The following PRMT9 variants were observed in gnomAD, a reference collection of about 807,000 sequenced individuals.
PRMT9 encodes protein arginine methyltransferase 9.
Under a neutral mutation model 83.2 loss-of-function variants are expected in PRMT9, and 59 were observed. That is an observed-to-expected ratio of 0.71 (90% CI 0.57 to 0.88). The LOEUF is 0.88. Among genes scored for constraint, PRMT9 ranks in the 40% least tolerant of loss-of-function variants. PRMT9 has a pLI of 0.00. For synonymous variants in PRMT9, 333 were observed against 353.2 expected, an observed-to-expected ratio of 0.94 and a Z score of 0.64; for missense variants, 947 against 1,021.9, an observed-to-expected ratio of 0.93 and a Z score of 1.00.
chr4:147,666,814 A>G (rs1735370280), intron 6 of PRMT9, among the ~76,000 whole-genome samples: 1 of 146,912 alleles, frequency 6.8e-6, no homozygotes, highest in Non-Finnish European at 1.5e-5. Flanking sequence ...CATAATGCTG[A>G]ACTTTGTTTA....
Position 147,670,587 on chromosome 4 carries a change from C to G in PRMT9, c.846+54G>C. 3.6e-6 allele frequency: 4 copies of G among 1,108,032 alleles called. No homozygotes were observed. In the Admixed American group the frequency reaches 6.7e-5, roughly 19 times the overall value. The allele number at this position is 1,108,032 out of a possible 1,614,324, so 68.6% of individuals were successfully genotyped here. On this transcript the variant is annotated intron_variant, in intron 5 of 11. Coordinates refer to ENST00000322396, the MANE Select transcript of PRMT9 (RefSeq NM_138364.4). ...TAAATATACTAAGGATTCAATAAAT[C>G]TCTGATGAAATAACGAATTCTTAAT...
chr4:147,677,043 C>CAA (rs1176356042), intron 2 of PRMT9, among the ~76,000 whole-genome samples: 15 of 56,500 alleles, frequency 2.7e-4, no homozygotes, highest in East Asian at 3.9e-4. Context: ...GACTCCGTCT[C>CAA]AAAAAAAAAA....
chr4:147,650,128 G>T (rs75574511), intron 9 of PRMT9, among the ~76,000 whole-genome samples: 5,083 of 152,230 alleles, frequency 0.033, 215 homozygotes, highest in East Asian at 0.22. Context: ...ACAAGGGAAA[G>T]ATGCCCACTC....
chr4:147,677,880 A>G (rs1736193877), intron 2 of PRMT9, among the ~76,000 whole-genome samples: 1 of 152,204 alleles, frequency 6.6e-6, no homozygotes, highest in South Asian at 2.1e-4. Context: ...ATTGTGAATG[A>G]CCATATAAAG....
chr4:147,658,005 T>A (rs1399566315), intron 7 of PRMT9, 30 bp from the exon 8 acceptor site: 4 of 1,429,242 alleles, frequency 2.8e-6, no homozygotes, highest in Non-Finnish European at 3.9e-6. Flanking sequence ...AATGAAACGG[T>A]TTTATATATT....
At chr4:147,669,015 G>A (rs1735554799) in intron 5 of PRMT9, among the ~76,000 whole-genome samples, 1 of 152,090 alleles carries the variant, frequency 6.6e-6, no homozygotes, top group Non-Finnish European at 1.5e-5. Context: ...GAACCCAGGA[G>A]GCAGAGGCTG....
rs776433737 is a variant in PRMT9, at chr4:147,683,816, G to A, written c.172C>T (p.Leu58=). ...YLLVLSLAPE[L]KHDVKETFQY... ...ACCCTCACCTTCACGTCGTGTTTCA[G>A]CTCCGGCGCCAGGCTGAGCACGAGG... is the stretch of plus-strand genomic sequence containing the variant. Residue 58 remains leucine, a synonymous_variant, in exon 1 of 12, where the codon CTG becomes TTG. Coordinates refer to ENST00000322396, the MANE Select transcript of PRMT9 (RefSeq NM_138364.4). 1 of 1,600,452 alleles carries A rather than the reference G, an allele frequency of 6.2e-7. No homozygotes were observed. Among genetic ancestry groups the A allele is most frequent in the South Asian group, 1.1e-5 (1 of 90,874 alleles).
intron 9 of PRMT9, among the ~76,000 whole-genome samples, chr4:147,649,088 C>T (rs2126583191): frequency 6.6e-6 from 1 of 151,880 alleles, no homozygotes; most frequent in East Asian, 1.9e-4. Context: ...TAACAAACTA[C>T]AACAGACTGG....
intron 2 of PRMT9, 152 bp from the exon 3 acceptor site, chr4:147,674,026 G>A: frequency 1.5e-6 from 1 of 678,378 alleles, no homozygotes; most frequent in African/African-American, 1.8e-5. Context: ...GAAGCTGTCT[G>A]TGAGGACTGC....
At chr4:147,679,145 G>A (rs1487374650) in intron 2 of PRMT9, among the ~76,000 whole-genome samples, 8 of 152,162 alleles carry the variant, frequency 5.3e-5, no homozygotes, top group South Asian at 4.1e-4. Flanking sequence ...TAAAAAGTGC[G>A]GAGAGGCCGC....
At chr4:147,667,688 A>T (rs998499932) in intron 6 of PRMT9, among the ~76,000 whole-genome samples, 6 of 152,210 alleles carry the variant, frequency 3.9e-5, no homozygotes, top group African/African-American at 1.2e-4. Flanking sequence ...TATGTCCTAA[A>T]ATATTTATAT....
chr4:147,683,466 C>G (rs1047230621), intron 1 of PRMT9, among the ~76,000 whole-genome samples: 4 of 152,180 alleles, frequency 2.6e-5, no homozygotes, highest in Admixed American at 2.6e-4. Context: ...ATGGTGAGAA[C>G]TGGTAAGATT....
At chr4:147,647,067 C>T (rs763540409) in intron 9 of PRMT9, among the ~76,000 whole-genome samples, 28 of 152,106 alleles carry the variant, frequency 1.8e-4, no homozygotes, top group African/African-American at 6.8e-4. Flanking sequence ...AAAACAGCCA[C>T]TGTAAAACTA....
At chr4:147,657,385 C>G (rs367861669) in intron 8 of PRMT9, among the ~76,000 whole-genome samples, 22 of 152,048 alleles carry the variant, frequency 1.4e-4, no homozygotes, top group African/African-American at 5.1e-4. Context: ...AGTAGCCAGG[C>G]GCAGCAGCGG....
intron 6 of PRMT9, among the ~76,000 whole-genome samples, chr4:147,667,703 C>T (rs957131276): frequency 3.3e-5 from 5 of 151,958 alleles, no homozygotes; most frequent in African/African-American, 1.2e-4. Flanking sequence ...TTATATGCTA[C>T]ATTTACGATT....
At chr4:147,648,143 G>C (rs948293931) in intron 9 of PRMT9, among the ~76,000 whole-genome samples, 4 of 152,090 alleles carry the variant, frequency 2.6e-5, no homozygotes, top group Non-Finnish European at 4.4e-5. Flanking sequence ...CTACAGAATG[G>C]TAAGAGTATC....
rs771651959 is a variant in PRMT9, at chr4:147,642,784, T to C, written c.2199+3A>G. The C allele has an allele frequency of 2.7e-5, 43 of 1,612,724 alleles. No homozygotes were observed. Among genetic ancestry groups the C allele is most frequent in the East Asian group, 1.3e-4 (6 of 44,870 alleles). The stretch of plus-strand genomic sequence containing the variant: ...TGGTTGAACTTCTCCTCTAGACACT[T>C]ACCTGAAACTGGTTAATAAAAGGTG... On this transcript the variant is annotated splice_donor_region_variant and intron_variant, in intron 10 of 11. Coordinates refer to ENST00000322396, the MANE Select transcript of PRMT9 (RefSeq NM_138364.4).
chr4:147,681,350 T>A (rs371420012), intron 1 of PRMT9, among the ~76,000 whole-genome samples: 31 of 152,330 alleles, frequency 2.0e-4, no homozygotes, highest in African/African-American at 7.2e-4. Flanking sequence ...TCTCCCTCCA[T>A]CCATTCTCCA....
intron 4 of PRMT9, among the ~76,000 whole-genome samples, chr4:147,670,977 G>A (rs1187432344): frequency 6.6e-6 from 1 of 152,018 alleles, no homozygotes; most frequent in Non-Finnish European, 1.5e-5. Flanking sequence ...AAGATGGAGG[G>A]TGGGGGGAGG....
Sources: allele counts gnomAD v4.1 joint callset (sites outside exome capture counted in the v4.1 genomes callset), GRCh38; gene constraint gnomAD v4.1.1; transcripts MANE v1.5; gene names NCBI Gene and HGNC (gene_info 2026-07-23, HGNC 2026-07-21).